Variants in KRT74 observed in about 807,000 individuals in gnomAD.
The protein encoded by KRT74 is keratin, type II cytoskeletal 74.
In KRT74, 43 loss-of-function variants were observed where a neutral mutation model predicts 42.7. The ratio of observed to expected loss-of-function variants is 1.01; its 90% CI spans 0.79 to 1.30. The LOEUF (loss-of-function observed/expected upper bound fraction) is 1.30. Ranked by LOEUF, KRT74 falls within the 50% of genes most tolerant of loss-of-function variation. The pLI is 0.00. For synonymous variants in KRT74, 302 were observed against 279.0 expected, an observed-to-expected ratio of 1.08 and a Z score of -0.82; for missense variants, 736 against 689.1, an observed-to-expected ratio of 1.07 and a Z score of -0.76.
In KRT74 at chr12:52,567,056, C is replaced by A; in HGVS notation, c.1503G>T (p.Lys501Asn). The A allele has an allele frequency of 6.3e-7, 1 of 1,596,352 alleles. No individual in the cohort carries two copies. Among genetic ancestry groups the A allele is most frequent in the Non-Finnish European group, 8.6e-7 (1 of 1,167,644 alleles). The change falls in exon 9 of 9, where the codon AAG becomes AAT. Residue 501 changes from lysine to asparagine, a missense_variant. By Grantham distance (94) the Lys-to-Asn change is moderately conservative. Transcript: ENST00000305620. ...GGTCTCCCCCTCGCGCCTCTGTGGT[C>A]TTGGTCTGCCCGCTCTGGGTGCTGC... is the stretch of plus-strand genomic sequence containing the variant. ...SSGSTQSGQT[K>N]TTEARGGDLK...
intron 6 of KRT74, 67 bp downstream of exon 6, chr12:52,569,791 CA>C: frequency 1.2e-6 from 2 of 1,602,236 alleles, no homozygotes; most frequent in Non-Finnish European, 1.7e-6. Context: ...TCCCAAAGGG[CA>C]GGCCCCATTT....
In KRT74 at chr12:52,568,302, C is replaced by T. The variant is rs781459961; in HGVS notation, c.1222G>A (p.Glu408Lys). ...TCCTTGGCCTGGTGCAGGGCGCCCT[C>T]CAGCTCATCCAGCTTGGCCTGGGCA... ...KDAQAKLDEL[E>K]GALHQAKEEL... The change falls in exon 7 of 9, where the codon GAG becomes AAG. Residue 408 changes from glutamate (E) to lysine (K), a missense_variant. Glu to Lys is a moderately conservative substitution (Grantham distance 56, BLOSUM62 1). Transcript: ENST00000305620. 3.7e-6 allele frequency: 6 copies of T among 1,614,128 alleles called. No individual in the cohort carries two copies. The South Asian group carries it at 6.6e-5, about 18-fold the overall frequency.
Position 52,568,180 on chromosome 12 carries a change from G to A in KRT74, c.1344C>T (p.Gly448=), listed in dbSNP as rs780135764. The A allele has an allele frequency of 2.8e-5, 45 of 1,614,040 alleles. 1 individual carries two copies. The highest frequency in any genetic ancestry group is 1.9e-4 in the South Asian group (17 of 91,070). The change falls in exon 7 of 9, where the codon GGC becomes GGT. Residue 448 remains glycine, a synonymous_variant. Coordinates refer to ENST00000305620, the MANE Select transcript of KRT74 (RefSeq NM_175053.4). ...EIATYRKLLE[G]EECRMSGENP... Reference sequence around the variant, plus strand: ...TCCACCCCACCTACCTGCACTCCTCGCCCTCCAGCAGCTTGCGGTAGGTGG... The same window carrying A: ...TCCACCCCACCTACCTGCACTCCTCACCCTCCAGCAGCTTGCGGTAGGTGG...
At position 52,573,605 on chromosome 12, in the gene KRT74, C is replaced by T. The variant is rs202104849; in HGVS notation, c.173G>A (p.Arg58His). Residue 58 changes from arginine (R) to histidine (H), a missense_variant, in exon 1 of 9, where the codon CGT (arginine) becomes CAT (histidine). Physicochemically the swap from Arg to His is conservative, Grantham distance 29. Transcript: ENST00000305620. ...RSLYSLGGNR[R>H]ISFNVAGGGV... ...GCCACCAGCCACATTGAAAGAAATA[C>T]GCCGATTCCCTCCAAGGCTATAGAG... 781 of 1,614,184 alleles carry T rather than the reference C, an allele frequency of 4.8e-4. 5 individuals carry two copies. In the South Asian group the frequency reaches 7.8e-3, roughly 16 times the overall value.
intron 1 of KRT74, 85 bp from the exon 2 acceptor site, chr12:52,572,752 C>A: frequency 5.5e-6 from 7 of 1,269,246 alleles, no homozygotes; most frequent in Non-Finnish European, 5.7e-6. Context: ...CCCAGGTTTG[C>A]CATAGATTGT....
At chr12:52,571,622 G>T (rs1440928886) in intron 3 of KRT74, among the ~76,000 whole-genome samples, 168 bp from the exon 4 acceptor site, 1 of 152,196 alleles carries the variant, frequency 6.6e-6, no homozygotes, top group Non-Finnish European at 1.5e-5. Context: ...ATAGGGAAAG[G>T]AGGATGGGGC....
In KRT74 at chr12:52,573,594, T is replaced by C. The variant is rs780989479; in HGVS notation, c.184A>G (p.Asn62Asp). ...GCCCGAACGCCGCCACCAGCCACATTGAAAGAAATACGCCGATTCCCTCCA... is the reference window on the plus strand; with the variant it reads ...GCCCGAACGCCGCCACCAGCCACATCGAAAGAAATACGCCGATTCCCTCCA... ...SLGGNRRISF[N>D]VAGGGVRAGG... Residue 62 changes from asparagine (N) to aspartate (D), a missense_variant, in exon 1 of 9, where the codon AAT (asparagine) becomes GAT (aspartate). Coordinates refer to ENST00000305620, the MANE Select transcript of KRT74 (RefSeq NM_175053.4). The C allele has an allele frequency of 6.2e-7, 1 of 1,614,014 alleles. No homozygotes were observed. The highest frequency in any genetic ancestry group is 1.3e-5 in the African/African-American group (1 of 74,910).
intron 2 of KRT74, 89 bp downstream of exon 2, chr12:52,572,364 C>T (rs1194311843): frequency 8.7e-6 from 12 of 1,373,992 alleles, no homozygotes; most frequent in Middle Eastern, 1.8e-4. Context: ...GCATACTCCC[C>T]CATCTCCTAA....
In KRT74 at chr12:52,572,653, C is replaced by T. The variant is rs114405517; in HGVS notation, c.486G>A (p.Glu162=). The part of the protein sequence containing the change: ...ASFIDKVRFL[E]QQNQVLETKW... ...TGGTTTCTAGAACCTGGTTCTGCTG[C>T]TCTAGGAAGCGTACCTGGAACCCAA... Residue 162 remains glutamate, a synonymous_variant, in exon 2 of 9, where the codon GAG becomes GAA. Coordinates refer to ENST00000305620, the MANE Select transcript of KRT74 (RefSeq NM_175053.4). 0.013 allele frequency: 21,518 copies of T among 1,614,138 alleles called. 1,250 individuals carry two copies. In the Admixed American group the frequency reaches 0.16, roughly 12 times the overall value.
At chr12:52,571,693 C>G (rs1021952369) in intron 3 of KRT74, among the ~76,000 whole-genome samples, 2 of 152,208 alleles carry the variant, frequency 1.3e-5, no homozygotes, top group African/African-American at 4.8e-5. Flanking sequence ...TCAGGTCACA[C>G]AGCAAGGTTG....
At position 52,573,466 on chromosome 12, in the gene KRT74, C is replaced by T; in HGVS notation, c.312G>A (p.Leu104=). The part of the protein sequence containing the change: ...FGSVALGPAC[L]SVCPPGGIHQ... ...GGATGCCCCCAGGTGGGCACACAGACAAACATGCAGGCCCCAGGGCCACAC... is the reference window on the plus strand; with the variant it reads ...GGATGCCCCCAGGTGGGCACACAGATAAACATGCAGGCCCCAGGGCCACAC... Residue 104 remains leucine (L), a synonymous_variant, in exon 1 of 9, where the codon TTG becomes TTA. Transcript: ENST00000305620. 1.2e-6 allele frequency: 2 copies of T among 1,614,214 alleles called. No individual in the cohort carries two copies. Among genetic ancestry groups the T allele is most frequent in the African/African-American group, 1.3e-5 (1 of 75,054 alleles).
Position 52,570,688 on chromosome 12 carries a change from T to G in KRT74, c.989A>C (p.Glu330Ala). The part of the protein sequence containing the change: ...EIALKSKAEA[E>A]ALYQTKIQEL... ...GACCACCTTGGTCTGGTACAGGGCCTCGGCCTCGGCCTTGCTCTTCAGGGC... is the reference window on the plus strand; with the variant it reads ...GACCACCTTGGTCTGGTACAGGGCCGCGGCCTCGGCCTTGCTCTTCAGGGC... The change falls in exon 5 of 9, where the codon GAG becomes GCG. Residue 330 changes from glutamate to alanine, a missense_variant. Glu to Ala is a moderately radical substitution (Grantham distance 107). Transcript: ENST00000305620. The G allele has an allele frequency of 6.2e-7, 1 of 1,614,048 alleles. No individual in the cohort carries two copies. The highest frequency in any genetic ancestry group is 8.5e-7 in the Non-Finnish European group (1 of 1,179,932).
chr12:52,567,824 G>A (rs372816253), intron 7 of KRT74, 131 bp from the exon 8 acceptor site: 38 of 752,048 alleles, frequency 5.1e-5, no homozygotes, highest in Middle Eastern at 2.3e-4. Context: ...TGACACTATC[G>A]CCTTCATCTT....
chr12:52,570,819 G>T lies in KRT74; in HGVS notation c.858C>A (p.Ile286=), dbSNP rs1233826515. The part of the protein sequence containing the change: ...KCLYDAEIAQ[I]QTHASETSVI... Reference sequence around the variant, plus strand: ...CAGAGGTCTCACTGGCGTGAGTCTGGATCTGAGCGATCTCCTGCATTGAGA... The same window carrying T: ...CAGAGGTCTCACTGGCGTGAGTCTGTATCTGAGCGATCTCCTGCATTGAGA... The change falls in exon 5 of 9, where the codon ATC becomes ATA. Residue 286 remains isoleucine, a synonymous_variant. Coordinates refer to ENST00000305620, the MANE Select transcript of KRT74 (RefSeq NM_175053.4). 6.2e-7 allele frequency: 1 copy of T among 1,614,250 alleles called. No individual in the cohort carries two copies. The highest frequency in any genetic ancestry group is 1.1e-5 in the South Asian group (1 of 91,084).
chr12:52,570,857 T>C (rs747290294), intron 4 of KRT74, 24 bp from the exon 5 acceptor site: 1 of 1,614,138 alleles, frequency 6.2e-7, no homozygotes, highest in Non-Finnish European at 8.5e-7. Context: ...GGAAGACAGA[T>C]TCAGCAACCC....
At chr12:52,569,486 G>A (rs1303029423) in intron 6 of KRT74, 1 of 611,946 alleles carries the variant, frequency 1.6e-6, no homozygotes, top group Non-Finnish European at 2.9e-6. Context: ...CTCAGAGGGG[G>A]CACCCAAAGG....
Position 52,568,236 on chromosome 12 carries a change from T to C in KRT74, c.1288A>G (p.Ser430Gly), listed in dbSNP as rs1466537050. The C allele has an allele frequency of 1.2e-6, 2 of 1,614,156 alleles. No individual in the cohort carries two copies. The highest frequency in any genetic ancestry group is 1.7e-6 in the Non-Finnish European group (2 of 1,180,030). ...TCCATGTCCAGGGCCAGTTTCAGGC[T>C]CATGAGCTCCTGGTACTCGCGCAGC... ...RMLREYQELM[S>G]LKLALDMEIA... The change falls in exon 7 of 9, where the codon AGC becomes GGC. Residue 430 changes from serine (S) to glycine (G), a missense_variant. Transcript: ENST00000305620.
chr12:52,569,911 A>C lies in KRT74; in HGVS notation c.1082T>G (p.Leu361Arg), dbSNP rs756845130. The C allele has an allele frequency of 6.2e-7, 1 of 1,614,158 alleles. No individual in the cohort carries two copies. The highest frequency in any genetic ancestry group is 2.2e-5 in the East Asian group (1 of 44,876). ...CCGGATCCTCTGGATGAGCCGGTTC[A>C]GCTCCACCATCTCGCTCCTGGTGTG... Reference protein sequence around the residue: ...LKHTRSEMVELNRLIQRIRCE... With the variant: ...LKHTRSEMVERNRLIQRIRCE... Residue 361 changes from leucine (L) to arginine (R), a missense_variant, in exon 6 of 9, where the codon CTG becomes CGG. Leu to Arg is a moderately radical substitution (Grantham distance 102, BLOSUM62 -2). Transcript: ENST00000305620.
chr12:52,567,036 C>A lies in KRT74; in HGVS notation c.1523G>T (p.Gly508Val), dbSNP rs769894231. The change falls in exon 9 of 9, where the codon GGA becomes GTA. Residue 508 changes from glycine (G) to valine (V), a missense_variant. Physicochemically the swap from Gly to Val is moderately radical, Grantham distance 109. Transcript: ENST00000305620. ...CTTGCCCTGGGTGTCCTTGAGGTCT[C>A]CCCCTCGCGCCTCTGTGGTCTTGGT... The part of the protein sequence containing the change: ...GQTKTTEARG[G>V]DLKDTQGKST... 1.3e-6 allele frequency: 2 copies of A among 1,598,776 alleles called. No individual in the cohort carries two copies. The highest frequency in any genetic ancestry group is 2.2e-5 in the South Asian group (2 of 89,042).
Sources: gnomAD v4.1 joint callset for allele counts (sites outside exome capture counted in the v4.1 genomes callset) on GRCh38, gnomAD v4.1.1 for gene constraint, MANE v1.5 for transcripts, NCBI Gene and HGNC (gene_info 2026-07-23, HGNC 2026-07-21) for gene names.